The following ANKS1B variants were observed in gnomAD, a reference collection of about 807,000 sequenced individuals.
ANKS1B encodes the protein ankyrin repeat and sterile alpha motif domain-containing protein 1B.
A neutral mutation model predicts 148.3 loss-of-function variants in ANKS1B; 36 were observed. The observed-to-expected ratio is 0.24, with a 90% confidence interval of 0.19 to 0.32. The LOEUF is 0.32. Ranked by LOEUF, ANKS1B falls within the 10% of genes least tolerant of loss-of-function variation. The pLI, the probability that ANKS1B is intolerant of heterozygous loss-of-function variation, is 1.00. For missense variants in ANKS1B, 1,157 were observed against 1,542.6 expected (o/e 0.75, Z 4.19); for synonymous variants, 542 against 560.8 (o/e 0.97, Z 0.47).
chr12:98,917,175 G>T (rs2099795525), intron 17 of ANKS1B, among the ~76,000 whole-genome samples: 1 of 152,090 alleles, frequency 6.6e-6, no homozygotes, highest in African/African-American at 2.4e-5. Context: ...CACCCAGGCT[G>T]GTCAAGAACT....
At chr12:98,867,491 G>C (rs917201801) in intron 17 of ANKS1B, among the ~76,000 whole-genome samples, 1 of 152,208 alleles carries the variant, frequency 6.6e-6, no homozygotes, top group African/African-American at 2.4e-5. Flanking sequence ...GCAATCAGCA[G>C]CTAACAGCAG....
chr12:99,076,786 G>A (rs775382275), intron 16 of ANKS1B, among the ~76,000 whole-genome samples: 2 of 152,042 alleles, frequency 1.3e-5, no homozygotes, highest in Non-Finnish European at 2.9e-5. Flanking sequence ...GATAAGTTAC[G>A]GGTCAGTAAA....
chr12:99,135,000 A>G (rs966695500), intron 15 of ANKS1B, among the ~76,000 whole-genome samples: 2 of 152,210 alleles, frequency 1.3e-5, no homozygotes, highest in African/African-American at 4.8e-5. Flanking sequence ...ATGGGAAATA[A>G]TGCACAGCAG....
chr12:99,637,610 A>G (rs2098251591), intron 9 of ANKS1B, among the ~76,000 whole-genome samples: 1 of 152,034 alleles, frequency 6.6e-6, no homozygotes, highest in Non-Finnish European at 1.5e-5. Flanking sequence ...TGAAAAGAAT[A>G]TGCTGGCTTA....
chr12:98,812,238 G>GA (rs1462846552), intron 19 of ANKS1B, among the ~76,000 whole-genome samples: 1 of 152,144 alleles, frequency 6.6e-6, no homozygotes, highest in Non-Finnish European at 1.5e-5. Context: ...GGGGTTGGAA[G>GA]AAGTAAAGCT....
intron 8 of ANKS1B, among the ~76,000 whole-genome samples, chr12:99,736,548 G>T (rs890939613): frequency 6.6e-6 from 1 of 151,832 alleles, no homozygotes; most frequent in Admixed American, 6.6e-5. Context: ...GGAGGTGAAA[G>T]ACATCTAGAA....
chr12:99,334,861 A>C (rs2088453162), intron 12 of ANKS1B, among the ~76,000 whole-genome samples: 2 of 152,030 alleles, frequency 1.3e-5, no homozygotes, highest in Admixed American at 1.3e-4. Flanking sequence ...GAAATTTGTC[A>C]ATATATTCTT....
At chr12:99,887,109 C>A (rs1485037129) in intron 1 of ANKS1B, among the ~76,000 whole-genome samples, 1 of 152,100 alleles carries the variant, frequency 6.6e-6, no homozygotes, top group Non-Finnish European at 1.5e-5. Flanking sequence ...ATCCCACCCT[C>A]CTTGATGGGT....
At chr12:99,622,227 G>C (rs558818728) in intron 9 of ANKS1B, among the ~76,000 whole-genome samples, 2 of 151,918 alleles carry the variant, frequency 1.3e-5, no homozygotes, top group East Asian at 3.9e-4. Context: ...AAAATCTCTG[G>C]GATGCAGCAA....
At chr12:99,695,022 T>C (rs2053676051) in intron 8 of ANKS1B, among the ~76,000 whole-genome samples, 1 of 152,198 alleles carries the variant, frequency 6.6e-6, no homozygotes, top group Non-Finnish European at 1.5e-5. Flanking sequence ...ACAGGGTCTT[T>C]ACAAAGCAAA....
chr12:99,689,897 C>A (rs978152154), intron 8 of ANKS1B, among the ~76,000 whole-genome samples: 1 of 152,140 alleles, frequency 6.6e-6, no homozygotes, highest in South Asian at 2.1e-4. Flanking sequence ...CCTTGTGAGA[C>A]CATGTACAGA....
At position 99,161,426 on chromosome 12, in the gene ANKS1B, G is replaced by A. The variant is rs887482777; in HGVS notation, c.2420-7031C>T. Among the ~76,000 whole-genome samples the A allele has an allele frequency of 6.6e-5, 10 of 152,070 alleles. No individual in the cohort carries two copies. In the South Asian group the frequency reaches 8.3e-4, roughly 13 times the overall value. ...TGCCTATCATCCCAGCTACTCGGGA[G>A]GCTGAGATGGGAGGACCCCAAGGCT... On this transcript the variant is annotated intron_variant, in intron 14 of 26. Coordinates refer to ENST00000683438, the MANE Select transcript of ANKS1B (RefSeq NM_001352186.2).
chr12:99,578,178 T>TA (rs1268743606), intron 9 of ANKS1B, among the ~76,000 whole-genome samples: 1 of 152,054 alleles, frequency 6.6e-6, no homozygotes, highest in Non-Finnish European at 1.5e-5. Context: ...CCCTTCATGA[T>TA]AAAAACCCTC....
At chr12:99,438,797 C>A (rs1039953568) in intron 11 of ANKS1B, among the ~76,000 whole-genome samples, 3 of 151,828 alleles carry the variant, frequency 2.0e-5, no homozygotes, top group African/African-American at 7.2e-5. Flanking sequence ...ACATTGTCTG[C>A]TTTCCCCAAA....
At chr12:99,562,244 C>T (rs896511673) in intron 9 of ANKS1B, among the ~76,000 whole-genome samples, 2 of 152,250 alleles carry the variant, frequency 1.3e-5, no homozygotes, top group East Asian at 1.9e-4. Flanking sequence ...TTTTAGAGTA[C>T]AAGCAAAATC....
chr12:99,084,446 G>A (rs967220758), intron 16 of ANKS1B, among the ~76,000 whole-genome samples: 12 of 152,166 alleles, frequency 7.9e-5, no homozygotes, highest in Non-Finnish European at 8.8e-5. Context: ...AAGGGTTCAT[G>A]CCTGTAATCC....
intron 10 of ANKS1B, among the ~76,000 whole-genome samples, chr12:99,475,718 A>T (rs920966997): frequency 7.9e-5 from 12 of 151,920 alleles, no homozygotes; most frequent in Non-Finnish European, 1.3e-4. Context: ...TAGTTAAAAA[A>T]AGAATGCCTG....
intron 1 of ANKS1B, among the ~76,000 whole-genome samples, chr12:99,954,959 G>A (rs1381555367): frequency 6.6e-6 from 1 of 152,174 alleles, no homozygotes; most frequent in African/African-American, 2.4e-5. Flanking sequence ...CTCTGCTCCT[G>A]ATCTCCTACA....
intron 8 of ANKS1B, among the ~76,000 whole-genome samples, chr12:99,749,493 G>A (rs745548513): frequency 1.6e-4 from 25 of 151,960 alleles, no homozygotes; most frequent in Admixed American, 1.2e-3. Context: ...ATTTATATGC[G>A]CTAACACATT....
Sources: gnomAD v4.1 joint callset for allele counts (sites outside exome capture counted in the v4.1 genomes callset) on GRCh38, gnomAD v4.1.1 for gene constraint, MANE v1.5 for transcripts, NCBI Gene and HGNC (gene_info 2026-07-23, HGNC 2026-07-21) for gene names.